LZTS1: variants seen among roughly 807,000 people sequenced by gnomAD.
LZTS1 encodes the protein leucine zipper putative tumor suppressor 1.
A neutral mutation model predicts 45.8 loss-of-function variants in LZTS1; 31 were observed. The ratio of observed to expected loss-of-function variants is 0.68; its 90% CI spans 0.51 to 0.91. The LOEUF is 0.91. Among genes scored for constraint, LZTS1 ranks in the 40% least tolerant of loss-of-function variants. LZTS1 has a pLI of 0.00. For synonymous variants in LZTS1, 359 were observed against 357.3 expected (o/e 1.00, Z -0.05); for missense variants, 821 against 788.9 (o/e 1.04, Z -0.49).
Position 20,250,071 on chromosome 8 carries a change from T to G in LZTS1, c.1442A>C (p.Gln481Pro), listed in dbSNP as rs1167963338. ...LEQELQELRA[Q>P]AALARDMGPP... ...CCCCATGTCGCGGGCCAGGGCGGCC[T>G]GGGCCCGCAGCTCCTGCAGCTCCTG... The change falls in exon 4 of 4, where the codon CAG becomes CCG. Residue 481 changes from glutamine (Q) to proline (P), a missense_variant. By Grantham distance (76) the Gln-to-Pro change is moderately conservative. Coordinates refer to ENST00000381569, the MANE Select transcript of LZTS1 (RefSeq NM_021020.5). 6.2e-7 allele frequency: 1 copy of G among 1,607,280 alleles called. No homozygotes were observed.
chr8:20,298,103 C>T (rs1563903665), intron 1 of LZTS1, among the ~76,000 whole-genome samples: 1 of 151,788 alleles, frequency 6.6e-6, no homozygotes, highest in Admixed American at 6.6e-5. Flanking sequence ...GCTCTGTCAC[C>T]CAGCCTGGAG....
At chr8:20,260,567 G>C (rs532780708) in intron 1 of LZTS1, among the ~76,000 whole-genome samples, 192 of 152,304 alleles carry the variant, frequency 1.3e-3, no homozygotes, top group Non-Finnish European at 2.4e-3. Context: ...GTCCCAGATA[G>C]CAAAATGAGC....
intron 1 of LZTS1, among the ~76,000 whole-genome samples, chr8:20,287,427 TA>T (rs1024823166): frequency 6.6e-6 from 1 of 152,234 alleles, no homozygotes; most frequent in African/African-American, 2.4e-5. Flanking sequence ...AAGTAAAATG[TA>T]AACCCTTGCC....
chr8:20,260,108 C>T (rs540354955), intron 1 of LZTS1, among the ~76,000 whole-genome samples: 2 of 152,262 alleles, frequency 1.3e-5, no homozygotes, highest in East Asian at 1.9e-4. Flanking sequence ...CGCTGTGTTG[C>T]CCATGCTGGT....
chr8:20,294,339 C>T (rs1371584764), intron 1 of LZTS1, among the ~76,000 whole-genome samples: 1 of 152,232 alleles, frequency 6.6e-6, no homozygotes, highest in African/African-American at 2.4e-5. Flanking sequence ...GGAATAGCCA[C>T]GCATCCTGCC....
intron 1 of LZTS1, among the ~76,000 whole-genome samples, chr8:20,271,612 C>T (rs569212255): frequency 6.6e-6 from 1 of 152,312 alleles, no homozygotes; most frequent in Admixed American, 6.5e-5. Context: ...ATAGGCCCCA[C>T]TTGCCATCCT....
intron 1 of LZTS1, among the ~76,000 whole-genome samples, chr8:20,283,017 TG>T (rs1800723690): frequency 6.6e-6 from 1 of 152,152 alleles, no homozygotes; most frequent in Non-Finnish European, 1.5e-5. Flanking sequence ...GGAGCATCCC[TG>T]GGGGCTCAGA....
chr8:20,289,047 G>T (rs186767877), intron 1 of LZTS1, among the ~76,000 whole-genome samples: 7 of 135,598 alleles, frequency 5.2e-5, no homozygotes, highest in African/African-American at 1.7e-4. Context: ...CAGTGGGATT[G>T]CTTGGCCTCA....
chr8:20,255,058 G>A lies in LZTS1; in HGVS notation c.124C>T (p.Leu42=). 1 of 1,614,222 alleles carries A rather than the reference G, an allele frequency of 6.2e-7. No homozygotes were observed. Residue 42 remains leucine, a synonymous_variant, in exon 2 of 4, where the codon CTG becomes TTG. Transcript: ENST00000381569. ...KKLNRYSDGL[L]RFGFSQDSGH... ...GAGTCCTGGGAGAAGCCAAACCTCAGCAGCCCGTCGGAATACCGGTTGAGC... is the reference window on the plus strand; with the variant it reads ...GAGTCCTGGGAGAAGCCAAACCTCAACAGCCCGTCGGAATACCGGTTGAGC...
chr8:20,260,613 A>C (rs1464762804), intron 1 of LZTS1, among the ~76,000 whole-genome samples: 12 of 152,224 alleles, frequency 7.9e-5, no homozygotes, highest in African/African-American at 1.7e-4. Flanking sequence ...TAGAGGAGGA[A>C]TCAAAAGCAG....
intron 1 of LZTS1, among the ~76,000 whole-genome samples, chr8:20,288,080 C>T (rs1468450508): frequency 6.6e-6 from 1 of 152,064 alleles, no homozygotes; most frequent in Non-Finnish European, 1.5e-5. Context: ...CAGGTGCAAT[C>T]CTGTCTCCTG....
chr8:20,292,691 G>A (rs1353936976), intron 1 of LZTS1, among the ~76,000 whole-genome samples: 1 of 152,192 alleles, frequency 6.6e-6, no homozygotes, highest in African/African-American at 2.4e-5. Flanking sequence ...CTCTACTGCT[G>A]TGTTCTTGTA....
chr8:20,251,150 A>ATAT (rs1563851104), intron 3 of LZTS1, among the ~76,000 whole-genome samples: 1,848 of 78,698 alleles, frequency 0.023, 366 homozygotes, highest in Non-Finnish European at 0.035. Context: ...TATATATATA[A>ATAT]AATATAAAGT....
At chr8:20,267,420 T>C (rs1800383345) in intron 1 of LZTS1, among the ~76,000 whole-genome samples, 1 of 152,200 alleles carries the variant, frequency 6.6e-6, no homozygotes, top group South Asian at 2.1e-4. Flanking sequence ...CTCAACCCAC[T>C]TACTGGGCCC....
chr8:20,264,273 C>G (rs905049014), intron 1 of LZTS1, among the ~76,000 whole-genome samples: 14 of 152,136 alleles, frequency 9.2e-5, no homozygotes, highest in African/African-American at 3.4e-4. Context: ...AATATTCCAC[C>G]TCATTTCTTT....
In LZTS1 at chr8:20,252,998, G is replaced by T. The variant is rs375810738; in HGVS notation, c.933C>A (p.Pro311=). The T allele has an allele frequency of 1.9e-6, 3 of 1,589,808 alleles. No individual in the cohort carries two copies. The highest frequency in any genetic ancestry group is 2.6e-6 in the Non-Finnish European group (3 of 1,168,704). ...RCRDELEGPE[P]KGGNKLKQAS... Reference sequence around the variant, plus strand: ...CCTGCTTGAGCTTGTTGCCGCCTTTGGGCTCCGGGCCCTCCAGCTCGTCCC... The same window carrying T: ...CCTGCTTGAGCTTGTTGCCGCCTTTTGGCTCCGGGCCCTCCAGCTCGTCCC... Residue 311 remains proline (P), a synonymous_variant, in exon 3 of 4, where the codon CCC becomes CCA. Coordinates refer to ENST00000381569, the MANE Select transcript of LZTS1 (RefSeq NM_021020.5).
At chr8:20,278,639 T>C (rs1219696766) in intron 1 of LZTS1, among the ~76,000 whole-genome samples, 1 of 152,136 alleles carries the variant, frequency 6.6e-6, no homozygotes, top group Admixed American at 6.5e-5. Context: ...TCTAATTCTT[T>C]CTCTGAGGAG....
At chr8:20,273,452 T>C (rs1306876053) in intron 1 of LZTS1, among the ~76,000 whole-genome samples, 1 of 152,102 alleles carries the variant, frequency 6.6e-6, no homozygotes, top group Non-Finnish European at 1.5e-5. Context: ...AGGGGCCACA[T>C]CTCACCCTCG....
intron 1 of LZTS1, among the ~76,000 whole-genome samples, chr8:20,299,782 A>G (rs1801043402): frequency 6.6e-6 from 1 of 152,100 alleles, no homozygotes; most frequent in Non-Finnish European, 1.5e-5. Flanking sequence ...AGCAATTCAC[A>G]CTCTCAACTG....
Sources: gnomAD v4.1 joint callset for allele counts (sites outside exome capture counted in the v4.1 genomes callset) on GRCh38, gnomAD v4.1.1 for gene constraint, MANE v1.5 for transcripts, NCBI Gene and HGNC (gene_info 2026-07-23, HGNC 2026-07-21) for gene names.